The following CACNA2D4 variants were observed in gnomAD, a reference collection of about 807,000 sequenced individuals.
The protein encoded by CACNA2D4 is voltage-dependent calcium channel subunit alpha-2/delta-4.
CACNA2D4 carries 157 observed loss-of-function variants against 163.8 expected under a neutral mutation model. That is an observed-to-expected ratio of 0.96 (90% CI 0.84 to 1.09). CACNA2D4 has a LOEUF of 1.09. Ranked by LOEUF, CACNA2D4 falls within the 50% of genes least tolerant of loss-of-function variation. The pLI, the probability that CACNA2D4 is intolerant of heterozygous loss-of-function variation, is 0.00. For synonymous variants in CACNA2D4, 598 were observed against 586.9 expected (o/e 1.02, Z -0.27); for missense variants, 1,410 against 1,479.9 (o/e 0.95, Z 0.78).
At chr12:1,811,242 C>T (rs886206087) in intron 27 of CACNA2D4, among the ~76,000 whole-genome samples, 1 of 152,154 alleles carries the variant, frequency 6.6e-6, no homozygotes, top group Non-Finnish European at 1.5e-5. Context: ...TCTGGGGAAG[C>T]AGAGGGGAAA....
chr12:1,814,328 C>T (rs906406771), intron 26 of CACNA2D4, among the ~76,000 whole-genome samples: 8 of 152,210 alleles, frequency 5.3e-5, no homozygotes, highest in African/African-American at 1.4e-4. Flanking sequence ...TATTTTCCCC[C>T]ACTTGGTTCC....
At chr12:1,904,158 C>A (rs1866601751) in intron 6 of CACNA2D4, among the ~76,000 whole-genome samples, 1 of 151,696 alleles carries the variant, frequency 6.6e-6, no homozygotes, top group African/African-American at 2.4e-5. Flanking sequence ...TTTGTGGGGG[C>A]TAAAAATTAA....
Position 1,918,632 on chromosome 12 carries a change from C to A in CACNA2D4, c.-159G>T. On this transcript the variant is annotated 5_prime_UTR_variant, in exon 1 of 38. Coordinates refer to ENST00000382722, the MANE Select transcript of CACNA2D4 (RefSeq NM_172364.5). The stretch of plus-strand genomic sequence containing the variant: ...CAGAAGAGTCGCCCCACCTAGCAAG[C>A]AGGCCTCGGAGACAGGGACTGGGGG... 1 of 589,408 alleles carries A rather than the reference C, an allele frequency of 1.7e-6. No individual in the cohort carries two copies. The highest frequency in any genetic ancestry group is 3.3e-5 in the Admixed American group (1 of 30,232). 36.5% of individuals were successfully genotyped at this position (589,408 alleles called of 1,614,324 possible).
chr12:1,894,797 T>A (rs1866363746), intron 6 of CACNA2D4, among the ~76,000 whole-genome samples: 1 of 151,942 alleles, frequency 6.6e-6, no homozygotes, highest in Admixed American at 6.6e-5. Context: ...ATGGGGAAAA[T>A]CTGAAAGCCT....
chr12:1,831,284 G>T, intron 26 of CACNA2D4: 2 of 1,613,634 alleles, frequency 1.2e-6, no homozygotes. Flanking sequence ...TGCGGCACTC[G>T]CCGCTGCTCC....
chr12:1,840,794 C>T lies in CACNA2D4; in HGVS notation c.2496G>A (p.Val832=). Residue 832 remains valine (V), a synonymous_variant, in exon 26 of 38, where the codon GTG becomes GTA. Coordinates refer to ENST00000382722, the MANE Select transcript of CACNA2D4 (RefSeq NM_172364.5). The part of the protein sequence containing the change: ...GPESAGEPMV[V]TASTAVAVTV... The stretch of plus-strand genomic sequence containing the variant: ...TCACCGCCACAGCTGTGCTTGCCGT[C>T]ACCACCATGGGTTCACCCGCACTTT... The T allele has an allele frequency of 6.2e-7, 1 of 1,613,902 alleles. No homozygotes were observed.
At chr12:1,859,715 T>C in intron 19 of CACNA2D4, among the ~76,000 whole-genome samples, 1 of 152,232 alleles carries the variant, frequency 6.6e-6, no homozygotes, top group East Asian at 1.9e-4. Context: ...AACAGAGTTG[T>C]AGGAGGCAGA....
In CACNA2D4 at chr12:1,799,072, G is replaced by A. The variant is rs1336140429; in HGVS notation, c.2995+603C>T. Among the ~76,000 whole-genome samples, 5 of 152,206 alleles carry A rather than the reference G, an allele frequency of 3.3e-5. No homozygotes were observed. Among genetic ancestry groups the A allele is most frequent in the Non-Finnish European group, 5.9e-5 (4 of 68,040 alleles). ...CCCATGGCAAAGGTTCTAGGAACAC[G>A]GAGGAACTGAGCAGAGCCCGCTGAG... On this transcript the variant is annotated intron_variant, in intron 34 of 37. Transcript: ENST00000382722. This position sits in a 1 kb window ranked among gnomAD's most constrained non-coding sequence, Gnocchi z 4.7.
At chr12:1,832,428 C>T (rs1203719333) in intron 26 of CACNA2D4, among the ~76,000 whole-genome samples, 1 of 152,250 alleles carries the variant, frequency 6.6e-6, no homozygotes, top group Admixed American at 6.5e-5. Context: ...TATCCGTTCA[C>T]TTCCTGGTAA....
At position 1,834,792 on chromosome 12, in the gene CACNA2D4, C is replaced by T. The variant is rs1227594323; in HGVS notation, c.2551+5947G>A. 22 of 1,498,174 alleles carry T rather than the reference C, an allele frequency of 1.5e-5. No homozygotes were observed. In the South Asian group the frequency reaches 2.2e-4, roughly 15 times the overall value. 92.8% of individuals were successfully genotyped at this position (1,498,174 alleles called of 1,614,324 possible). On this transcript the variant is annotated intron_variant, in intron 26 of 37. Coordinates refer to ENST00000382722, the MANE Select transcript of CACNA2D4 (RefSeq NM_172364.5). This position sits in a 1 kb window ranked among gnomAD's most constrained non-coding sequence, Gnocchi z 7.6. ...CGGCATTGCTCAGCCACAGCTCCCA[C>T]CTTGACCCGGCGCTGGCCACTGCCT... is the stretch of plus-strand genomic sequence containing the variant.
chr12:1,828,327 C>A lies in CACNA2D4; in HGVS notation c.2551+12412G>T. The A allele has an allele frequency of 3.2e-6, 3 of 950,026 alleles. No homozygotes were observed. Among genetic ancestry groups the A allele is most frequent in the Non-Finnish European group, 4.5e-6 (3 of 667,266 alleles). The allele number at this position is 950,026 out of a possible 1,614,324, so 58.8% of individuals were successfully genotyped here. A position where few individuals can be genotyped will look rare whatever the true frequency, so the allele number is the denominator to read the frequency against. On this transcript the variant is annotated intron_variant, in intron 26 of 37. Transcript: ENST00000382722. This position sits in a 1 kb window ranked among gnomAD's most constrained non-coding sequence, Gnocchi z 4.2. The stretch of plus-strand genomic sequence containing the variant: ...CACACTCAGGCTGCAGGGAGGCCTA[C>A]GCCAGATCTTCCTGGGGTACCCGAG...
chr12:1,800,064 A>G lies in CACNA2D4; in HGVS notation c.2922-12T>C. ...ACTCCAGCAGGAACCTGTCAGACAC[A>G]GGACTGAATCTCGGAGACCTCTGAG... On this transcript the variant is annotated splice_polypyrimidine_tract_variant and intron_variant, in intron 32 of 37. Transcript: ENST00000382722. The G allele has an allele frequency of 4.4e-6, 7 of 1,595,250 alleles. No individual in the cohort carries two copies. The highest frequency in any genetic ancestry group is 6.0e-6 in the Non-Finnish European group (7 of 1,170,956).
chr12:1,838,347 C>T (rs1331381863), intron 26 of CACNA2D4, among the ~76,000 whole-genome samples: 1 of 152,142 alleles, frequency 6.6e-6, no homozygotes, highest in African/African-American at 2.4e-5. Flanking sequence ...ATACAGCCCC[C>T]ACCACAGACA....
At chr12:1,884,703 C>G (rs751065475) in intron 11 of CACNA2D4, 65 bp downstream of exon 11, 1 of 1,057,242 alleles carries the variant, frequency 9.5e-7, no homozygotes, top group Non-Finnish European at 1.4e-6. Context: ...AGGGTCCCTG[C>G]TGGTGATCCC....
intron 27 of CACNA2D4, 27 bp downstream of exon 27, chr12:1,811,635 C>G (rs1479786000): frequency 1.9e-6 from 3 of 1,554,978 alleles, no homozygotes; most frequent in Non-Finnish European, 1.7e-6. Context: ...AGTCCCCAGC[C>G]CCGACCTGGC....
At chr12:1,801,164 C>A (rs761203904) in intron 30 of CACNA2D4, 46 bp from the exon 31 acceptor site, 6 of 1,503,098 alleles carry the variant, frequency 4.0e-6, no homozygotes, top group Non-Finnish European at 5.6e-6. Context: ...CCACCCCCAC[C>A]CCCTGCCCCT....
rs765856864 is a variant in CACNA2D4, at chr12:1,875,289, C to A, written c.1768G>T (p.Asp590Tyr). 2.5e-6 allele frequency: 4 copies of A among 1,613,894 alleles called. No individual in the cohort carries two copies. The South Asian group carries it at 4.4e-5, about 18-fold the overall frequency. The change falls in exon 17 of 38, where the codon GAT (aspartate) becomes TAT (tyrosine). Residue 590 changes from aspartate (D) to tyrosine (Y), a missense_variant. Physicochemically the swap from Asp to Tyr is radical, Grantham distance 160 (BLOSUM62 -3). Transcript: ENST00000382722. This position sits in a 1 kb window ranked among gnomAD's most constrained non-coding sequence, Gnocchi z 4.0. ...TCTTCCCACTCCACTTCGGAGAGATCCACACTGTTGTAGTTAGGTTTGGGT... is the reference window on the plus strand; with the variant it reads ...TCTTCCCACTCCACTTCGGAGAGATACACACTGTTGTAGTTAGGTTTGGGT... ...LKPKPNYNSV[D>Y]LSEVEWEDQA...
intron 26 of CACNA2D4, among the ~76,000 whole-genome samples, chr12:1,837,960 C>A (rs958065948): frequency 6.6e-6 from 1 of 152,192 alleles, no homozygotes; most frequent in African/African-American, 2.4e-5. Flanking sequence ...ACTCTTGCAG[C>A]CCTGGCCGGC....
chr12:1,822,536 C>T (rs1310812862), intron 26 of CACNA2D4, among the ~76,000 whole-genome samples: 5 of 152,170 alleles, frequency 3.3e-5, no homozygotes, highest in Admixed American at 6.5e-5. Context: ...TGTCAGGGAC[C>T]AGCTCCCATG....
Sources: gnomAD v4.1 joint callset for allele counts (sites outside exome capture counted in the v4.1 genomes callset) on GRCh38, gnomAD v4.1.1 for gene constraint, Gnocchi (gnomAD v3.1) non-coding constraint, MANE v1.5 for transcripts, NCBI Gene and HGNC (gene_info 2026-07-23, HGNC 2026-07-21) for gene names.